The following CRK variants were observed in gnomAD, a reference collection of about 807,000 sequenced individuals.
CRK encodes adapter molecule crk.
Under a neutral mutation model 29.8 loss-of-function variants are expected in CRK, and 4 were observed. That is an observed-to-expected ratio of 0.13 (90% confidence interval 0.07 to 0.31). The LOEUF is 0.31. Ranked by LOEUF, CRK falls within the 10% of genes least tolerant of loss-of-function variation. The pLI is 1.00. For synonymous variants in CRK, 153 were observed against 164.9 expected (o/e 0.93, Z 0.55); for missense variants, 274 against 396.5 (o/e 0.69, Z 2.62).
At chr17:1,448,450 C>T (rs934148600) in intron 1 of CRK, among the ~76,000 whole-genome samples, 28 of 151,460 alleles carry the variant, frequency 1.8e-4, no homozygotes, top group African/African-American at 6.8e-4. Flanking sequence ...ATGGTGAAAC[C>T]CATCTCTACT....
chr17:1,430,747 A>G (rs1349146523), intron 2 of CRK, among the ~76,000 whole-genome samples: 1 of 151,820 alleles, frequency 6.6e-6, no homozygotes, highest in Non-Finnish European at 1.5e-5. Flanking sequence ...CTTTGAAGTA[A>G]AAATACCTCA....
At chr17:1,439,258 G>A (rs1353080891) in intron 1 of CRK, among the ~76,000 whole-genome samples, 2 of 152,058 alleles carry the variant, frequency 1.3e-5, no homozygotes, top group Non-Finnish European at 2.9e-5. Context: ...ACCATGCCTG[G>A]CTAATTTTTT....
In CRK at chr17:1,443,145, A is replaced by AT. The variant is rs2073948271; in HGVS notation, c.242-5991dup. ...AGGCGGCCACCACGACACCAAGGTA[A>AT]TTTTTTATATTTTTAGTAGAGATGG... is the stretch of plus-strand genomic sequence containing the variant. On this transcript the variant is annotated intron_variant, in intron 1 of 2. Coordinates refer to ENST00000300574, the MANE Select transcript of CRK (RefSeq NM_016823.4). Among the ~76,000 whole-genome samples, 5 of 150,056 alleles carry AT rather than the reference A, an allele frequency of 3.3e-5. No homozygotes were observed. The South Asian group carries it at 1.1e-3, about 32-fold the overall frequency.
Position 1,421,898 on chromosome 17 carries a change from C to CT in CRK, c.*1614dup, listed in dbSNP as rs1411683281. ...AGAGACCGGTAAGTGCCTTTATAGACTGAGAACTAACGTGGAAGTTTCATG... is the reference window on the plus strand; with the variant it reads ...AGAGACCGGTAAGTGCCTTTATAGACTTGAGAACTAACGTGGAAGTTTCATG... On this transcript the variant is annotated 3_prime_UTR_variant, in exon 3 of 3. Transcript: ENST00000300574. 1.3e-5 allele frequency: 2 copies of CT among 152,130 alleles called. No homozygotes were observed. Among genetic ancestry groups the CT allele is most frequent in the Admixed American group, 1.3e-4 (2 of 15,246 alleles). 9.4% of individuals were successfully genotyped at this position (152,130 alleles called of 1,614,324 possible).
intron 2 of CRK, among the ~76,000 whole-genome samples, chr17:1,430,796 T>G (rs191200168): frequency 2.3e-3 from 348 of 151,490 alleles, no homozygotes; most frequent in East Asian, 0.016. Context: ...GGCCGGGCGC[T>G]GTGGCTCATG....
chr17:1,443,412 T>C (rs2073950220), intron 1 of CRK, among the ~76,000 whole-genome samples: 1 of 152,118 alleles, frequency 6.6e-6, no homozygotes, highest in Non-Finnish European at 1.5e-5. Context: ...ATTATCATTT[T>C]TTTGAGACAG....
chr17:1,430,360 T>C (rs2073828039), intron 2 of CRK, among the ~76,000 whole-genome samples: 1 of 149,558 alleles, frequency 6.7e-6, no homozygotes, highest in African/African-American at 2.5e-5. Context: ...ATTCTGATTA[T>C]TAGTATTATT....
At chr17:1,441,460 C>T (rs531885831) in intron 1 of CRK, among the ~76,000 whole-genome samples, 2 of 152,230 alleles carry the variant, frequency 1.3e-5, no homozygotes, top group South Asian at 4.1e-4. Flanking sequence ...TTCTGAGTAG[C>T]TGGGACTAAA....
At position 1,420,696 on chromosome 17, in the gene CRK, T is replaced by C. The variant is rs2073715027; in HGVS notation, c.*2817A>G. ...GTGAAAAATATTCAAAGATTACTTT[T>C]TTGCAAAAGATCACCAAGCCAAACA... On this transcript the variant is annotated 3_prime_UTR_variant, in exon 3 of 3. Coordinates refer to ENST00000300574, the MANE Select transcript of CRK (RefSeq NM_016823.4). 6.6e-6 allele frequency: 1 copy of C among 152,140 alleles called. No homozygotes were observed. 9.4% of individuals were successfully genotyped at this position (152,140 alleles called of 1,614,324 possible).
chr17:1,447,551 AC>A (rs2073984636), intron 1 of CRK, among the ~76,000 whole-genome samples: 1 of 150,868 alleles, frequency 6.6e-6, no homozygotes, highest in East Asian at 2.0e-4. Context: ...ATCACTTCTG[AC>A]GGGTCTACAA....
intron 1 of CRK, among the ~76,000 whole-genome samples, chr17:1,449,803 C>T (rs1425134748): frequency 1.3e-5 from 2 of 152,188 alleles, no homozygotes; most frequent in African/African-American, 2.4e-5. Flanking sequence ...CAAGCTATGG[C>T]ACCACAGGAA....
chr17:1,456,174 C>T lies in CRK; in HGVS notation c.-57G>A. 7.3e-7 allele frequency: 1 copy of T among 1,379,230 alleles called. No homozygotes were observed. Among genetic ancestry groups the T allele is most frequent in the East Asian group, 3.1e-5 (1 of 32,268 alleles). The allele number at this position is 1,379,230 out of a possible 1,614,324, so 85.4% of individuals were successfully genotyped here. A position where few individuals can be genotyped will look rare whatever the true frequency, so the allele number is the denominator to read the frequency against. ...GCCGCCGCGCGCGCCCCTCCGGCCC[C>T]CGGCGCCCGCCGCCCAGCGGACCGG... On this transcript the variant is annotated 5_prime_UTR_variant, in exon 1 of 3. Transcript: ENST00000300574.
At chr17:1,434,483 A>G (rs1362285235) in intron 2 of CRK, among the ~76,000 whole-genome samples, 1 of 152,172 alleles carries the variant, frequency 6.6e-6, no homozygotes, top group Non-Finnish European at 1.5e-5. Context: ...GCTCAACATA[A>G]AGACATTTCT....
intron 1 of CRK, among the ~76,000 whole-genome samples, chr17:1,442,603 G>T (rs1184646856): frequency 7.5e-6 from 1 of 132,524 alleles, no homozygotes; most frequent in Non-Finnish European, 1.6e-5. Context: ...TGTGTGAAAG[G>T]GTCTTTTTTT....
chr17:1,437,383 A>G (rs1268917958), intron 1 of CRK, among the ~76,000 whole-genome samples: 1 of 151,812 alleles, frequency 6.6e-6, no homozygotes, highest in African/African-American at 2.4e-5. Context: ...CCTCATACAC[A>G]TTTAGTCAAG....
At chr17:1,435,628 A>G (rs1242017400) in intron 2 of CRK, among the ~76,000 whole-genome samples, 3 of 152,066 alleles carry the variant, frequency 2.0e-5, no homozygotes, top group Non-Finnish European at 4.4e-5. Context: ...CTGACAACAT[A>G]CATTCCATTT....
intron 2 of CRK, among the ~76,000 whole-genome samples, chr17:1,430,612 G>A (rs113413587): frequency 0.014 from 1,913 of 136,616 alleles, 43 homozygotes; most frequent in African/African-American, 0.048. Flanking sequence ...TGATCCGCCC[G>A]CCTTGGCCTC....
In CRK at chr17:1,423,028, T is replaced by C. The variant is rs1041975; in HGVS notation, c.*485A>G. The C allele has an allele frequency of 6.0e-5, 24 of 399,894 alleles. No homozygotes were observed. The highest frequency in any genetic ancestry group is 4.5e-4 in the African/African-American group (22 of 48,632). 24.8% of individuals were successfully genotyped at this position (399,894 alleles called of 1,614,324 possible). On this transcript the variant is annotated 3_prime_UTR_variant, in exon 3 of 3. Coordinates refer to ENST00000300574, the MANE Select transcript of CRK (RefSeq NM_016823.4). ...GTCAGAATGAGTCACACGCTGGTCA[T>C]GCTCCATACAATGAAAGCAATCCTG...
chr17:1,441,551 G>A (rs1598301027), intron 1 of CRK, among the ~76,000 whole-genome samples: 1 of 151,690 alleles, frequency 6.6e-6, no homozygotes, highest in Non-Finnish European at 1.5e-5. Flanking sequence ...GAGTGCACTG[G>A]AGCCATCTTG....
Sources: allele counts gnomAD v4.1 joint callset (sites outside exome capture counted in the v4.1 genomes callset), GRCh38; gene constraint gnomAD v4.1.1; transcripts MANE v1.5; gene names NCBI Gene and HGNC (gene_info 2026-07-23, HGNC 2026-07-21).